The following PACS2 variants were observed in gnomAD, a reference collection of about 807,000 sequenced individuals.
The protein encoded by PACS2 is PACS1-like protein.
A neutral mutation model predicts 113.0 loss-of-function variants in PACS2; 36 were observed. That is an observed-to-expected ratio of 0.32 (90% CI 0.24 to 0.42). The LOEUF (loss-of-function observed/expected upper bound fraction) is 0.42, where lower values mean the gene tolerates loss of function less well. Among genes scored for constraint, PACS2 ranks in the 10% least tolerant of loss-of-function variants. The pLI is 1.00. For synonymous variants in PACS2, 589 were observed against 536.1 expected, an observed-to-expected ratio of 1.10 and a Z score of -1.36; for missense variants, 1,015 against 1,239.5, an observed-to-expected ratio of 0.82 and a Z score of 2.72.
intron 22 of PACS2, chr14:105,392,024 C>T (rs1266161518): frequency 9.5e-6 from 5 of 528,418 alleles, no homozygotes; most frequent in Non-Finnish European, 1.7e-5. Flanking sequence ...GGCTGTCTCT[C>T]AGCTCTGTAC....
chr14:105,305,027 G>A (rs2058146200), intron 1 of PACS2, among the ~76,000 whole-genome samples: 1 of 152,216 alleles, frequency 6.6e-6, no homozygotes, highest in Admixed American at 6.5e-5. Flanking sequence ...TTGCCCCAAG[G>A]CGATGGTTTT....
rs916840309 is a variant in PACS2 at position 105,357,568 on chromosome 14, C to T, written c.423+2391C>T. Reference sequence around the variant, plus strand: ...TCCCATGTGTCCCCGAGCACCAGGGCGGTTCATGGGCTCCCTGTGTCCTGC... The same window carrying T: ...TCCCATGTGTCCCCGAGCACCAGGGTGGTTCATGGGCTCCCTGTGTCCTGC... On this transcript the variant is annotated intron_variant, in intron 4 of 24. Coordinates refer to ENST00000447393, the MANE Select transcript of PACS2 (RefSeq NM_001100913.3). The surrounding 1 kb of genome is among the most constrained non-coding windows in gnomAD (Gnocchi z 5.1). Among the ~76,000 whole-genome samples, 2 of 152,116 alleles carry T rather than the reference C, an allele frequency of 1.3e-5. No individual in the cohort carries two copies. Among genetic ancestry groups the T allele is most frequent in the African/African-American group, 2.4e-5 (1 of 41,434 alleles).
chr14:105,368,027 CG>C (rs1171498601), intron 5 of PACS2, 46 bp from the exon 6 acceptor site: 3 of 1,313,668 alleles, frequency 2.3e-6, no homozygotes, highest in Admixed American at 3.4e-5. Context: ...CCTGGTTTCC[CG>C]GGTGGAATCT....
At chr14:105,311,725 C>T (rs1251374391), upstream of PACS2, among the ~76,000 whole-genome samples, 7 of 152,192 alleles carry the variant, frequency 4.6e-5, no homozygotes, top group Non-Finnish European at 1.0e-4. Context: ...TCCACAGGTG[C>T]GGCTGCGGGT....
In PACS2 at chr14:105,376,509, C is replaced by CA. The variant is rs1555410450; in HGVS notation, c.802-258dup. ...CCTGCCTGCACCCAGGCCCTCCGTGCACCCTGGCAGCCCAGATGACTGCAC... is the reference window on the plus strand; with the variant it reads ...CCTGCCTGCACCCAGGCCCTCCGTGCAACCCTGGCAGCCCAGATGACTGCAC... On this transcript the variant is annotated intron_variant, in intron 8 of 24. Transcript: ENST00000447393. This position sits in a 1 kb window ranked among gnomAD's most constrained non-coding sequence, Gnocchi z 4.7. Among the ~76,000 whole-genome samples the CA allele has an allele frequency of 6.6e-6, 1 of 152,186 alleles. No homozygotes were observed. The highest frequency in any genetic ancestry group is 1.5e-5 in the Non-Finnish European group (1 of 68,024).
chr14:105,330,761 C>T lies in PACS2; in HGVS notation c.119+15724C>T, dbSNP rs927945317. 6.6e-6 allele frequency among the ~76,000 whole-genome samples: 1 copy of T among 152,250 alleles called. No individual in the cohort carries two copies. The highest frequency in any genetic ancestry group is 6.5e-5 in the Admixed American group (1 of 15,290). ...GGCTGGCCTTGTTTCAGCTTCCTGA[C>T]GAGTGCCCTGTGGTCAGTCATTTCT... On this transcript the variant is annotated intron_variant, in intron 1 of 24. Transcript: ENST00000447393. The surrounding 1 kb of genome is among the most constrained non-coding windows in gnomAD (Gnocchi z 6.9).
At chr14:105,322,479 T>G (rs1432868446) in intron 1 of PACS2, among the ~76,000 whole-genome samples, 1 of 151,820 alleles carries the variant, frequency 6.6e-6, no homozygotes, top group Admixed American at 6.6e-5. Flanking sequence ...TTGGCCAGAC[T>G]GGTCTCGAAC....
At chr14:105,350,712 C>T (rs1414350508) in intron 2 of PACS2, among the ~76,000 whole-genome samples, 1 of 152,242 alleles carries the variant, frequency 6.6e-6, no homozygotes, top group African/African-American at 2.4e-5. Flanking sequence ...TGGCTGGTGG[C>T]ACACACTGTC....
chr14:105,379,986 C>T (rs78118804), intron 10 of PACS2, 94 bp from the exon 11 acceptor site: 23,780 of 1,338,394 alleles, frequency 0.018, 843 homozygotes, highest in East Asian at 0.13. Flanking sequence ...GCAGGTACCC[C>T]GGGCCTCCCT....
In PACS2 at chr14:105,315,030, G is replaced by C; in HGVS notation, c.112G>C (p.Val38Leu). ...WEVDGSSPSCVPRLCSLTLKK... is the reference protein window; with the variant it reads ...WEVDGSSPSCLPRLCSLTLKK... ...GGTGGACGGCTCCAGCCCCAGCTGC[G>C]TGCCCAGGTACGCGCCGCCCGCCGC... The change falls in exon 1 of 25, where the codon GTG becomes CTG. Residue 38 changes from valine (V) to leucine (L), a missense_variant. By Grantham distance (32) the Val-to-Leu change is conservative. This residue lies in a region of PACS2 where 140 missense variants were observed against 135.1 expected (regional missense o/e 1.04). Coordinates refer to ENST00000447393, the MANE Select transcript of PACS2 (RefSeq NM_001100913.3). The surrounding 1 kb of genome is among the most constrained non-coding windows in gnomAD (Gnocchi z 4.4). 1 of 1,212,492 alleles carries C rather than the reference G, an allele frequency of 8.2e-7. No individual in the cohort carries two copies. Among genetic ancestry groups the C allele is most frequent in the Non-Finnish European group, 1.0e-6 (1 of 958,202 alleles). The allele number at this position is 1,212,492 out of a possible 1,614,324, so 75.1% of individuals were successfully genotyped here.
Position 105,340,523 on chromosome 14 carries a change from C to T in PACS2, c.120-7970C>T, listed in dbSNP as rs185709604. On this transcript the variant is annotated intron_variant, in intron 1 of 24. Coordinates refer to ENST00000447393, the MANE Select transcript of PACS2 (RefSeq NM_001100913.3). The surrounding 1 kb of genome is among the most constrained non-coding windows in gnomAD (Gnocchi z 4.2). Reference sequence around the variant, plus strand: ...TCAGCCATCAGATTCTCATAAGCAGCGTGCAGCCTGGATCCCTCGCGTGCA... The same window carrying T: ...TCAGCCATCAGATTCTCATAAGCAGTGTGCAGCCTGGATCCCTCGCGTGCA... Among the ~76,000 whole-genome samples, 62 of 152,356 alleles carry T rather than the reference C, an allele frequency of 4.1e-4. No homozygotes were observed. Among genetic ancestry groups the T allele is most frequent in the African/African-American group, 1.2e-3 (51 of 41,586 alleles).
intron 18 of PACS2, 43 bp from the exon 19 acceptor site, chr14:105,385,642 G>T: frequency 6.9e-7 from 1 of 1,459,684 alleles, no homozygotes; most frequent in Non-Finnish European, 9.2e-7. Context: ...TCCTGAGGGC[G>T]TCGTAACGTG....
rs968421372 is a variant in PACS2, at chr14:105,330,080, G to A, written c.119+15043G>A. On this transcript the variant is annotated intron_variant, in intron 1 of 24. Coordinates refer to ENST00000447393, the MANE Select transcript of PACS2 (RefSeq NM_001100913.3). The surrounding 1 kb of genome is among the most constrained non-coding windows in gnomAD (Gnocchi z 6.9). ...GAAGCCTGGGGTCCATGTGTGGGAAGGAACGGGGACAGGGAGCCTCCGAGA... is the reference window on the plus strand; with the variant it reads ...GAAGCCTGGGGTCCATGTGTGGGAAAGAACGGGGACAGGGAGCCTCCGAGA... Among the ~76,000 whole-genome samples, 1 of 151,870 alleles carries A rather than the reference G, an allele frequency of 6.6e-6. No homozygotes were observed. Among genetic ancestry groups the A allele is most frequent in the Admixed American group, 6.6e-5 (1 of 15,264 alleles).
exon 1 of PACS2, chr14:105,300,963 C>G (rs1434617376): frequency 6.5e-6 from 1 of 154,300 alleles, no homozygotes; most frequent in African/African-American, 2.4e-5. Flanking sequence ...TCGGCGGAAC[C>G]CGAGCGGGGC....
At chr14:105,391,921 C>T (rs1555415034) in intron 22 of PACS2, 155 bp downstream of exon 22, 6 of 685,644 alleles carry the variant, frequency 8.8e-6, no homozygotes, top group African/African-American at 3.7e-5. Context: ...TGGGTCCTCT[C>T]TGGCCACCTC....
At chr14:105,359,034 G>A (rs969054239) in intron 4 of PACS2, among the ~76,000 whole-genome samples, 5 of 152,180 alleles carry the variant, frequency 3.3e-5, no homozygotes, top group Non-Finnish European at 7.3e-5. Flanking sequence ...CTTTATTCCT[G>A]TGTGAACTCA....
intron 5 of PACS2, 95 bp downstream of exon 5, chr14:105,367,470 T>C: frequency 7.7e-7 from 1 of 1,292,840 alleles, no homozygotes; most frequent in East Asian, 2.3e-5. Context: ...CCAGCCTGGC[T>C]TAAGGAGTTG....
intron 18 of PACS2, 150 bp from the exon 19 acceptor site, chr14:105,385,535 C>T (rs894001835): frequency 1.8e-5 from 10 of 542,692 alleles, no homozygotes; most frequent in South Asian, 2.7e-5. Flanking sequence ...GGGAGAGAGC[C>T]GAGTGCAAGG....
At chr14:105,379,519 G>A (rs1318639034) in intron 9 of PACS2, among the ~76,000 whole-genome samples, 4 of 152,188 alleles carry the variant, frequency 2.6e-5, no homozygotes, top group African/African-American at 9.7e-5. Context: ...AGCCAGGTTG[G>A]CCCAGCGCTT....
Sources: allele counts gnomAD v4.1 joint callset (sites outside exome capture counted in the v4.1 genomes callset), GRCh38; gene constraint gnomAD v4.1.1; regional missense constraint gnomAD v4.1.1; non-coding constraint Gnocchi (gnomAD v3.1); transcripts MANE v1.5; gene names NCBI Gene and HGNC (gene_info 2026-07-23, HGNC 2026-07-21).